PTPRR: variants seen among roughly 807,000 people sequenced by gnomAD.
The protein encoded by PTPRR is receptor-type tyrosine-protein phosphatase R.
Under a neutral mutation model 77.2 loss-of-function variants are expected in PTPRR, and 38 were observed. That is an observed-to-expected ratio of 0.49 (90% CI 0.38 to 0.65). PTPRR has a LOEUF of 0.65. Among genes scored for constraint, PTPRR ranks in the 30% least tolerant of loss-of-function variants. PTPRR has a pLI of 0.00. For synonymous variants in PTPRR, 299 were observed against 283.1 expected, an observed-to-expected ratio of 1.06 and a Z score of -0.57; for missense variants, 744 against 799.2, an observed-to-expected ratio of 0.93 and a Z score of 0.83.
In PTPRR at chr12:70,656,731, C is replaced by T; in HGVS notation, c.1853G>A (p.Ser618Asn). 6.2e-7 allele frequency: 1 copy of T among 1,613,888 alleles called. No homozygotes were observed. The highest frequency in any genetic ancestry group is 8.5e-7 in the Non-Finnish European group (1 of 1,179,890). Residue 618 changes from serine to asparagine, a missense_variant, in exon 13 of 14, where the codon AGC becomes AAC. By Grantham distance (46) the Ser-to-Asn change is conservative (BLOSUM62 1). Coordinates refer to ENST00000283228, the MANE Select transcript of PTPRR (RefSeq NM_002849.4). ...LKEEGVVDAL[S>N]IVCQLRMDRG... ...ATCCATACGAAGCTGGCAGACAATG[C>T]TTAGTGCATCCACAACTCCTTCTTC...
intron 10 of PTPRR, chr12:70,671,852 C>G: frequency 1.7e-6 from 1 of 605,344 alleles, no homozygotes; most frequent in South Asian, 2.3e-5. Flanking sequence ...CACCTGCTGT[C>G]CTTGACCTCT....
intron 6 of PTPRR, among the ~76,000 whole-genome samples, chr12:70,731,654 G>A (rs189616664): frequency 1.8e-4 from 27 of 152,280 alleles, no homozygotes; most frequent in African/African-American, 6.3e-4. Flanking sequence ...CGTGAAGGAG[G>A]TGGCAAGTGA....
intron 4 of PTPRR, among the ~76,000 whole-genome samples, chr12:70,761,058 G>A (rs1890679111): frequency 6.6e-6 from 1 of 152,138 alleles, no homozygotes; most frequent in South Asian, 2.1e-4. Flanking sequence ...GCGAATATCT[G>A]GTGACCATTT....
At chr12:70,737,532 A>G (rs1404169460) in intron 6 of PTPRR, among the ~76,000 whole-genome samples, 1 of 149,224 alleles carries the variant, frequency 6.7e-6, no homozygotes, top group Non-Finnish European at 1.5e-5. Context: ...CTATCTATCT[A>G]TCTTTCGAGA....
chr12:70,725,972 T>C (rs1436544897), intron 6 of PTPRR, among the ~76,000 whole-genome samples: 1 of 152,088 alleles, frequency 6.6e-6, no homozygotes, highest in East Asian at 1.9e-4. Flanking sequence ...GTAAAATCAT[T>C]GTCAATACTA....
intron 6 of PTPRR, among the ~76,000 whole-genome samples, chr12:70,733,403 A>T (rs546987378): frequency 1.3e-4 from 19 of 147,046 alleles, no homozygotes; most frequent in African/African-American, 4.5e-4. Flanking sequence ...ACGCTGTCAT[A>T]AAAAAAATAC....
At chr12:70,914,690 G>T (rs1476476933) in intron 1 of PTPRR, among the ~76,000 whole-genome samples, 3 of 152,096 alleles carry the variant, frequency 2.0e-5, no homozygotes, top group Non-Finnish European at 2.9e-5. Flanking sequence ...AGGTACTGTG[G>T]CTCACACCTG....
At chr12:70,760,191 A>G (rs564593815) in intron 4 of PTPRR, among the ~76,000 whole-genome samples, 5 of 152,292 alleles carry the variant, frequency 3.3e-5, no homozygotes, top group African/African-American at 7.2e-5. Context: ...CCATATTTCA[A>G]GTTTATAAGT....
intron 2 of PTPRR, among the ~76,000 whole-genome samples, chr12:70,782,743 G>A (rs113907250): frequency 6.6e-6 from 1 of 152,008 alleles, no homozygotes; most frequent in African/African-American, 2.4e-5. Context: ...TGTAAATGAC[G>A]AGTTAATAGG....
At chr12:70,861,338 TG>T (rs1355896240) in intron 2 of PTPRR, among the ~76,000 whole-genome samples, 1 of 152,138 alleles carries the variant, frequency 6.6e-6, no homozygotes, top group East Asian at 1.9e-4. Flanking sequence ...CATGGGTTTC[TG>T]TAAAATTAGT....
At chr12:70,897,598 G>A (rs1335948016) in intron 1 of PTPRR, among the ~76,000 whole-genome samples, 1 of 151,956 alleles carries the variant, frequency 6.6e-6, no homozygotes, top group Admixed American at 6.6e-5. Context: ...TCAGTGTGGC[G>A]ATTCCTCAGG....
rs1408250727 is a variant in PTPRR, at chr12:70,672,243, T to C, written c.1498-9638A>G. The C allele has an allele frequency of 6.3e-6, 10 of 1,590,206 alleles. No homozygotes were observed. In the African/African-American group the frequency reaches 1.1e-4, roughly 17 times the overall value. On this transcript the variant is annotated intron_variant, in intron 10 of 13. Transcript: ENST00000283228. Reference sequence around the variant, plus strand: ...CCAGCCACATGGCCAGATAAGGTGGTGTGTGTGGGCATGAATTATGTGGAC... The same window carrying C: ...CCAGCCACATGGCCAGATAAGGTGGCGTGTGTGGGCATGAATTATGTGGAC...
chr12:70,865,559 A>C (rs1892829593), intron 2 of PTPRR, among the ~76,000 whole-genome samples: 1 of 152,140 alleles, frequency 6.6e-6, no homozygotes, highest in South Asian at 2.1e-4. Context: ...GAAATATCCA[A>C]AGGGAAGATC....
chr12:70,754,502 T>A (rs184726534), intron 4 of PTPRR: 1 of 1,571,436 alleles, frequency 6.4e-7, no homozygotes, highest in East Asian at 2.2e-5. Flanking sequence ...TTTAGTCTCC[T>A]ATGCAGGAGC....
At chr12:70,645,831 A>AG (rs1395109854) in intron 13 of PTPRR, among the ~76,000 whole-genome samples, 1 of 151,798 alleles carries the variant, frequency 6.6e-6, no homozygotes, top group African/African-American at 2.4e-5. Flanking sequence ...AAAGGGAAAA[A>AG]AAAATGTAGT....
Position 70,671,864 on chromosome 12 carries a change from G to T in PTPRR, c.1498-9259C>A, listed in dbSNP as rs544371183. On this transcript the variant is annotated intron_variant, in intron 10 of 13. Coordinates refer to ENST00000283228, the MANE Select transcript of PTPRR (RefSeq NM_002849.4). ...AGGCACCTGCTGTCCTTGACCTCTG[G>T]CCCCACAAGCACTAACCCAGCGCAG... is the stretch of plus-strand genomic sequence containing the variant. 1.4e-4 allele frequency: 86 copies of T among 624,540 alleles called. 1 individual carries two copies. Among genetic ancestry groups the T allele is most frequent in the African/African-American group, 1.2e-3 (63 of 54,674 alleles). The allele number at this position is 624,540 out of a possible 1,614,324, so 38.7% of individuals were successfully genotyped here.
chr12:70,866,789 T>C (rs1490279117), intron 2 of PTPRR, among the ~76,000 whole-genome samples: 3 of 152,052 alleles, frequency 2.0e-5, no homozygotes, highest in Non-Finnish European at 4.4e-5. Flanking sequence ...CTCAATAAAA[T>C]ACTGGCAAAA....
intron 8 of PTPRR, 143 bp from the exon 9 acceptor site, chr12:70,684,926 T>C (rs1365184349): frequency 1.8e-6 from 1 of 545,190 alleles, no homozygotes; most frequent in African/African-American, 2.0e-5. Context: ...GTCCATTGCT[T>C]GATCCATATG....
chr12:70,708,842 A>T (rs1158175551), intron 6 of PTPRR, among the ~76,000 whole-genome samples: 1 of 151,624 alleles, frequency 6.6e-6, no homozygotes, highest in African/African-American at 2.4e-5. Context: ...ACACACACAC[A>T]CACGGCATTT....
Sources: allele counts gnomAD v4.1 joint callset (sites outside exome capture counted in the v4.1 genomes callset), GRCh38; gene constraint gnomAD v4.1.1; transcripts MANE v1.5; gene names NCBI Gene and HGNC (gene_info 2026-07-23, HGNC 2026-07-21).